The following STK3 variants were observed in gnomAD, a reference collection of about 807,000 sequenced individuals.
The protein encoded by STK3 is serine/threonine-protein kinase 3.
Under a neutral mutation model 58.0 loss-of-function variants are expected in STK3, and 41 were observed. That is an observed-to-expected ratio of 0.71 (90% CI 0.55 to 0.92). STK3 has a LOEUF of 0.92. Among genes scored for constraint, STK3 ranks in the 40% least tolerant of loss-of-function variants. STK3 has a pLI of 0.00. For synonymous variants in STK3, 170 were observed against 191.0 expected (o/e 0.89, Z 0.91); for missense variants, 479 against 602.7 (o/e 0.79, Z 2.15).
chr8:98,725,821 C>G (rs559511160), intron 4 of STK3, among the ~76,000 whole-genome samples: 19 of 152,272 alleles, frequency 1.2e-4, no homozygotes, highest in African/African-American at 4.6e-4. Context: ...TCCTCTGACA[C>G]TTACCATGTT....
intron 10 of STK3, among the ~76,000 whole-genome samples, chr8:98,461,551 T>C (rs1819979503): frequency 6.6e-6 from 1 of 152,200 alleles, no homozygotes; most frequent in Non-Finnish European, 1.5e-5. Flanking sequence ...TACTCTGTTT[T>C]CTTCATTGTG....
In STK3 at chr8:98,800,409, G is replaced by A. The variant is rs919932725; in HGVS notation, c.26+25106C>T. 6.6e-6 allele frequency among the ~76,000 whole-genome samples: 1 copy of A among 152,174 alleles called. No homozygotes were observed. Among genetic ancestry groups the A allele is most frequent in the Non-Finnish European group, 1.5e-5 (1 of 68,024 alleles). ...GCAGTTGGGGTGTCCTGTTTAGAGG[G>A]GGGATTGAGAGGTAACAACGTGCTA... On this transcript the variant is annotated intron_variant, in intron 1 of 10. Transcript: ENST00000419617. This position sits in a 1 kb window ranked among gnomAD's most constrained non-coding sequence, Gnocchi z 4.8.
At chr8:98,647,346 C>G (rs1820478572) in intron 6 of STK3, among the ~76,000 whole-genome samples, 1 of 152,074 alleles carries the variant, frequency 6.6e-6, no homozygotes, top group Admixed American at 6.6e-5. Flanking sequence ...TAATCATTTC[C>G]AAAACACTTA....
intron 6 of STK3, among the ~76,000 whole-genome samples, chr8:98,696,121 A>T (rs547603012): frequency 1.3e-4 from 20 of 152,156 alleles, no homozygotes; most frequent in African/African-American, 4.6e-4. Flanking sequence ...ATTCTCTTTG[A>T]AGCAATTGTG....
chr8:98,450,628 T>C (rs1249580085), downstream of STK3, among the ~76,000 whole-genome samples: 1 of 152,156 alleles, frequency 6.6e-6, no homozygotes, highest in Admixed American at 6.5e-5. Flanking sequence ...TACATTATCA[T>C]TTACAACAAA....
chr8:98,414,790 A>G (rs1400139492), intron 3 of STK3, among the ~76,000 whole-genome samples: 1 of 152,188 alleles, frequency 6.6e-6, no homozygotes, highest in Non-Finnish European at 1.5e-5. Flanking sequence ...CTATAAAAAC[A>G]TCCTGTATCC....
intron 3 of STK3, among the ~76,000 whole-genome samples, chr8:98,756,355 C>T (rs772518852): frequency 1.3e-5 from 2 of 152,066 alleles, no homozygotes; most frequent in African/African-American, 2.4e-5. Context: ...GAACAAATCA[C>T]GGTCAAAGAA....
intron 1 of STK3, among the ~76,000 whole-genome samples, chr8:98,380,024 T>C (rs1244462034): frequency 6.6e-6 from 1 of 152,224 alleles, no homozygotes; most frequent in East Asian, 1.9e-4. Context: ...GAGGACACCA[T>C]GCTAAGAGAA....
At chr8:98,816,418 G>T (rs1182486945) in intron 1 of STK3, among the ~76,000 whole-genome samples, 1 of 152,124 alleles carries the variant, frequency 6.6e-6, no homozygotes. Flanking sequence ...GGCTGAGGCA[G>T]GAGGATCCCT....
chr8:98,352,313 T>C, the STK3 span, among the ~76,000 whole-genome samples: 1 of 152,180 alleles, frequency 6.6e-6, no homozygotes, highest in Non-Finnish European at 1.5e-5. Context: ...CTTTAAAATT[T>C]TTGAAAGAAT....
At chr8:98,690,650 C>T (rs2130945415) in intron 6 of STK3, among the ~76,000 whole-genome samples, 1 of 152,212 alleles carries the variant, frequency 6.6e-6, no homozygotes, top group Middle Eastern at 3.4e-3. Flanking sequence ...CAATGCTATT[C>T]CTATCAAACT....
At chr8:98,779,300 T>C (rs1403007132) in intron 1 of STK3, among the ~76,000 whole-genome samples, 1 of 152,198 alleles carries the variant, frequency 6.6e-6, no homozygotes, top group Non-Finnish European at 1.5e-5. Flanking sequence ...ACCCTGAACA[T>C]ATTTTTTTTC....
chr8:98,804,009 C>CT (rs375643302), intron 1 of STK3, among the ~76,000 whole-genome samples: 38 of 148,686 alleles, frequency 2.6e-4, no homozygotes, highest in Admixed American at 5.4e-4. Context: ...CATTTTCTTT[C>CT]TTTTTTTTTT....
chr8:98,774,448 T>C (rs747595429), intron 2 of STK3, among the ~76,000 whole-genome samples: 2 of 152,162 alleles, frequency 1.3e-5, no homozygotes, highest in Non-Finnish European at 2.9e-5. Flanking sequence ...CCTTCAAACG[T>C]ATTAATAAGA....
intron 6 of STK3, among the ~76,000 whole-genome samples, chr8:98,651,112 C>G (rs1002158800): frequency 2.6e-5 from 4 of 152,204 alleles, no homozygotes; most frequent in African/African-American, 9.7e-5. Context: ...CAGACTGACA[C>G]CTCACACGGC....
In STK3 at chr8:98,729,365, C is replaced by T. The variant is rs142963901; in HGVS notation, c.351+19911G>A. 5.5e-3 allele frequency among the ~76,000 whole-genome samples: 834 copies of T among 152,332 alleles called. 9 individuals are homozygous for T. The highest frequency in any genetic ancestry group is 0.019 in the African/African-American group (805 of 41,570). On this transcript the variant is annotated intron_variant, in intron 4 of 10. Transcript: ENST00000419617. ...GCCCAAGTGATCTCCCCGCCTCAGCCTCCCAAAGTGCTGGGATTACAGGTG... is the reference window on the plus strand; with the variant it reads ...GCCCAAGTGATCTCCCCGCCTCAGCTTCCCAAAGTGCTGGGATTACAGGTG...
chr8:98,598,407 G>T, intron 6 of STK3: 4 of 985,168 alleles, frequency 4.1e-6, no homozygotes, highest in Non-Finnish European at 4.8e-6. Flanking sequence ...CATGAACACC[G>T]AGCATACAGT....
chr8:98,840,009 C>G (rs1001270650), intron 3 of STK3, among the ~76,000 whole-genome samples: 1 of 151,870 alleles, frequency 6.6e-6, no homozygotes, highest in African/African-American at 2.4e-5. Flanking sequence ...CAGATTTATG[C>G]TTAGTAAATG....
intron 6 of STK3, among the ~76,000 whole-genome samples, chr8:98,614,388 T>A (rs1350504841): frequency 6.9e-6 from 1 of 144,312 alleles, no homozygotes; most frequent in East Asian, 1.9e-4. Context: ...AATCAAGCAC[T>A]TGAAAACTAA....
Sources: gnomAD v4.1 joint callset for allele counts (sites outside exome capture counted in the v4.1 genomes callset) on GRCh38, gnomAD v4.1.1 for gene constraint, Gnocchi (gnomAD v3.1) non-coding constraint, MANE v1.5 for transcripts, NCBI Gene and HGNC (gene_info 2026-07-23, HGNC 2026-07-21) for gene names.